Variants in EEF1AKMT3 observed in about 807,000 individuals in gnomAD.
The protein encoded by EEF1AKMT3 is eEF1A-KMT3.
EEF1AKMT3 carries 17 observed loss-of-function variants against 17.8 expected under a neutral mutation model. The observed-to-expected ratio is 0.96, with a 90% CI of 0.65 to 1.43. The LOEUF is 1.43. Ranked by LOEUF, EEF1AKMT3 falls within the 40% of genes most tolerant of loss-of-function variation. EEF1AKMT3 has a pLI of 0.00. For missense variants in EEF1AKMT3, 244 were observed against 285.8 expected (o/e 0.85, Z 1.06); for synonymous variants, 116 against 126.5 (o/e 0.92, Z 0.56).
intron 2 of EEF1AKMT3, among the ~76,000 whole-genome samples, chr12:57,776,210 CTT>C (rs1374705922): frequency 6.6e-6 from 1 of 152,226 alleles, no homozygotes; most frequent in East Asian, 1.9e-4. Flanking sequence ...CTCTTTCTCT[CTT>C]GTTTTTCTTG....
In EEF1AKMT3 at chr12:57,781,049, A is replaced by AT. The variant is rs916845621; in HGVS notation, c.*412dup. The AT allele has an allele frequency of 5.0e-4, 99 of 198,532 alleles. 1 individual carries two copies. Among genetic ancestry groups the AT allele is most frequent in the South Asian group, 2.6e-3 (27 of 10,390 alleles). 12.3% of individuals were successfully genotyped at this position (198,532 alleles called of 1,614,324 possible). On this transcript the variant is annotated 3_prime_UTR_variant, in exon 3 of 3. Coordinates refer to ENST00000300209, the MANE Select transcript of EEF1AKMT3 (RefSeq NM_015433.3). ...ATGGACTTTAAAAAAATTCTGTGGG[A>AT]TTTTTTTTTCTTTTTTTCTTTTTTT...
intron 2 of EEF1AKMT3, among the ~76,000 whole-genome samples, chr12:57,778,591 G>C (rs1423114756): frequency 1.3e-5 from 2 of 152,116 alleles, no homozygotes; most frequent in South Asian, 4.1e-4. Flanking sequence ...ACAGGCGTGA[G>C]CCACTGTGCC....
rs1440742958 is a variant in EEF1AKMT3 at position 57,779,957 on chromosome 12, G to A, written c.290-298G>A. Among the ~76,000 whole-genome samples the A allele has an allele frequency of 4.6e-5, 7 of 152,192 alleles. No homozygotes were observed. The South Asian group carries it at 6.2e-4, about 14-fold the overall frequency. ...TTAAGGCGAGCTTGTGTCAGTGGGG[G>A]TGGGTACAGAACCCATCTCCAGCTT... On this transcript the variant is annotated intron_variant, in intron 2 of 2. Transcript: ENST00000300209.
At chr12:57,777,133 T>A (rs1158891852) in intron 2 of EEF1AKMT3, among the ~76,000 whole-genome samples, 1 of 152,220 alleles carries the variant, frequency 6.6e-6, no homozygotes, top group East Asian at 1.9e-4. Context: ...CCCAAATCTT[T>A]CTGCCTACTC....
intron 2 of EEF1AKMT3, among the ~76,000 whole-genome samples, chr12:57,775,105 CAAAAAA>C (rs1019116260): frequency 3.0e-5 from 1 of 33,612 alleles, no homozygotes; most frequent in Non-Finnish European, 4.8e-5. Flanking sequence ...AACGCCATCT[CAAAAAA>C]AAAAAAAAAA....
intron 2 of EEF1AKMT3, among the ~76,000 whole-genome samples, chr12:57,778,851 C>G (rs1955495881): frequency 6.6e-6 from 1 of 152,106 alleles, no homozygotes; most frequent in East Asian, 1.9e-4. Context: ...CTAAAGCATG[C>G]CAGCGTGTGC....
intron 2 of EEF1AKMT3, among the ~76,000 whole-genome samples, chr12:57,777,862 A>G (rs1375732118): frequency 1.3e-5 from 2 of 152,116 alleles, no homozygotes; most frequent in Non-Finnish European, 2.9e-5. Context: ...TCTACTAAAA[A>G]TACAAAATTA....
chr12:57,774,053 G>T (rs1408725076), intron 2 of EEF1AKMT3, among the ~76,000 whole-genome samples: 1 of 152,150 alleles, frequency 6.6e-6, no homozygotes, highest in Non-Finnish European at 1.5e-5. Flanking sequence ...AGAGGAAACA[G>T]TTTCACAAAT....
At chr12:57,776,849 C>CCCCAT (rs1955483347) in intron 2 of EEF1AKMT3, among the ~76,000 whole-genome samples, 1 of 152,068 alleles carries the variant, frequency 6.6e-6, no homozygotes, top group Non-Finnish European at 1.5e-5. Context: ...TGGGGTTTCA[C>CCCCAT]CATGTTGGCC....
Position 57,772,622 on chromosome 12 carries a change from C to T in EEF1AKMT3, c.-103C>T. On this transcript the variant is annotated 5_prime_UTR_variant, in exon 1 of 3. Coordinates refer to ENST00000300209, the MANE Select transcript of EEF1AKMT3 (RefSeq NM_015433.3). This position sits in a 1 kb window ranked among gnomAD's most constrained non-coding sequence, Gnocchi z 4.1. Reference sequence around the variant, plus strand: ...AAACTCAGGGAGGCGGGGCTCGTTCCACAGGGACACCACGACGGCTCGCGG... The same window carrying T: ...AAACTCAGGGAGGCGGGGCTCGTTCTACAGGGACACCACGACGGCTCGCGG... The T allele has an allele frequency of 7.7e-7, 1 of 1,307,002 alleles. No individual in the cohort carries two copies. Among genetic ancestry groups the T allele is most frequent in the Non-Finnish European group, 1.0e-6 (1 of 967,446 alleles). 81.0% of individuals were successfully genotyped at this position (1,307,002 alleles called of 1,614,324 possible).
Position 57,780,360 on chromosome 12 carries a change from C to A in EEF1AKMT3, c.395C>A (p.Ser132Tyr). The A allele has an allele frequency of 1.9e-6, 3 of 1,614,174 alleles. No individual in the cohort carries two copies. In the South Asian group the frequency reaches 3.3e-5, roughly 18 times the overall value. The stretch of plus-strand genomic sequence containing the variant: ...GGCCAGGCCCAGGTGCGTGCCTTGT[C>A]CTGGGGGATTGACCATCATGTCTTC... ...AGGQAQVRAL[S>Y]WGIDHHVFPA... The change falls in exon 3 of 3, where the codon TCC (serine) becomes TAC (tyrosine). Residue 132 changes from serine to tyrosine, a missense_variant. By Grantham distance (144) the Ser-to-Tyr change is moderately radical. Transcript: ENST00000300209.
intron 2 of EEF1AKMT3, among the ~76,000 whole-genome samples, chr12:57,778,905 G>A (rs914663802): frequency 1.4e-4 from 22 of 152,156 alleles, no homozygotes; most frequent in African/African-American, 4.1e-4. Context: ...TGTTGCCCAG[G>A]TCGGAGTGCA....
At chr12:57,779,481 CTCTT>C (rs896855343) in intron 2 of EEF1AKMT3, among the ~76,000 whole-genome samples, 6 of 152,092 alleles carry the variant, frequency 3.9e-5, no homozygotes, top group Non-Finnish European at 7.4e-5. Context: ...CTTCTTGCTT[CTCTT>C]TCTATCATAG....
chr12:57,772,818 C>G lies in EEF1AKMT3; in HGVS notation c.94C>G (p.Gln32Glu), dbSNP rs962779213. 2 of 1,614,036 alleles carry G rather than the reference C, an allele frequency of 1.2e-6. No homozygotes were observed. The highest frequency in any genetic ancestry group is 1.3e-5 in the African/African-American group (1 of 74,924). Residue 32 changes from glutamine to glutamate, a missense_variant, in exon 1 of 3, where the codon CAG (glutamine) becomes GAG (glutamate). Transcript: ENST00000300209. The surrounding 1 kb of genome is among the most constrained non-coding windows in gnomAD (Gnocchi z 4.1). ...TGCAGACTCTTACTCGGAGAAGAGCCAGTTCTGTTTCTGTGGGCATGTGCT... is the reference window on the plus strand; with the variant it reads ...TGCAGACTCTTACTCGGAGAAGAGCGAGTTCTGTTTCTGTGGGCATGTGCT... ...LFADSYSEKS[Q>E]FCFCGHVLTI...
intron 2 of EEF1AKMT3, chr12:57,774,834 G>A (rs960932031): frequency 6.9e-6 from 10 of 1,458,536 alleles, no homozygotes; most frequent in South Asian, 1.2e-5. Context: ...GGCCGGGCTC[G>A]GTGGCTCATG....
chr12:57,773,087 G>A lies in EEF1AKMT3; in HGVS notation c.248G>A (p.Gly83Asp). The change falls in exon 2 of 3, where the codon GGT (glycine) becomes GAT (aspartate). Residue 83 changes from glycine (G) to aspartate (D), a missense_variant. Physicochemically the swap from Gly to Asp is moderately conservative, Grantham distance 94. Transcript: ENST00000300209. ...DFRGKKVIEL[G>D]AGTGIVGILA... ...CGAGGCAAGAAGGTGATCGAACTGG[G>A]TGCGGGGACAGGCATCGTGGGGATC... The A allele has an allele frequency of 6.2e-7, 1 of 1,614,196 alleles. No homozygotes were observed. The highest frequency in any genetic ancestry group is 1.1e-5 in the South Asian group (1 of 91,088).
Position 57,778,293 on chromosome 12 carries a change from C to CTTTTTTTTTTT in EEF1AKMT3, c.290-1957_290-1947dup, listed in dbSNP as rs56919999. Among the ~76,000 whole-genome samples, 2 of 43,994 alleles carry CTTTTTTTTTTT rather than the reference C, an allele frequency of 4.5e-5. 1 individual carries two copies. The highest frequency in any genetic ancestry group is 7.8e-5 in the Non-Finnish European group (2 of 25,678). The allele number at this position is 43,994 out of a possible 152,430, so 28.9% of individuals were successfully genotyped here. A position where few individuals can be genotyped will look rare whatever the true frequency, so the allele number is the denominator to read the frequency against. ...CCAAACACCCAGAAACCATCCTGAG[C>CTTTTTTTTTTT]TTTTTTTTTTTTTTTGAGACAGGTT... is the stretch of plus-strand genomic sequence containing the variant. On this transcript the variant is annotated intron_variant, in intron 2 of 2. Transcript: ENST00000300209.
chr12:57,780,910 G>A lies in EEF1AKMT3; in HGVS notation c.*264G>A. 1.9e-6 allele frequency: 1 copy of A among 533,542 alleles called. No individual in the cohort carries two copies. Among genetic ancestry groups the A allele is most frequent in the East Asian group, 3.4e-5 (1 of 29,574 alleles). The allele number at this position is 533,542 out of a possible 1,614,324, so 33.1% of individuals were successfully genotyped here. On this transcript the variant is annotated 3_prime_UTR_variant, in exon 3 of 3. Transcript: ENST00000300209. ...CTGGCTCCTGTTCTCAGAGAAGGAG[G>A]ATGGTAAGGTATCCAGGATTTTTAG...
In EEF1AKMT3 at chr12:57,772,732, AC is replaced by A. The variant is rs1389120020; in HGVS notation, c.12del (p.Gly5AlafsTer36). On this transcript the variant is annotated frameshift_variant, in exon 1 of 3. Coordinates refer to ENST00000300209, the MANE Select transcript of EEF1AKMT3 (RefSeq NM_015433.3). LOFTEE classifies it high-confidence loss of function. This position sits in a 1 kb window ranked among gnomAD's most constrained non-coding sequence, Gnocchi z 4.1. The part of the protein sequence containing the change: MA[D>X]PGPDPESESE... Reference sequence around the variant, plus strand: ...ACTCCCTTGGCGGGCCGGATGGCGGACCCCGGCCCAGATCCCGAATCTGAGT... The same window carrying A: ...ACTCCCTTGGCGGGCCGGATGGCGGACCCGGCCCAGATCCCGAATCTGAGT... 7 of 1,611,998 alleles carry A rather than the reference AC, an allele frequency of 4.3e-6. No homozygotes were observed. The highest frequency in any genetic ancestry group is 1.7e-4 in the Middle Eastern group (1 of 6,028).
Sources: gnomAD v4.1 joint callset for allele counts (sites outside exome capture counted in the v4.1 genomes callset) on GRCh38, gnomAD v4.1.1 for gene constraint, Gnocchi (gnomAD v3.1) non-coding constraint, MANE v1.5 for transcripts, NCBI Gene and HGNC (gene_info 2026-07-23, HGNC 2026-07-21) for gene names.